The following OGDH variants were observed in gnomAD, a reference collection of about 807,000 sequenced individuals.
OGDH encodes oxoglutarate dehydrogenase.
In OGDH, 38 loss-of-function variants were observed where a neutral mutation model predicts 116.6. That is an observed-to-expected ratio of 0.33 (90% confidence interval 0.25 to 0.43). The LOEUF (loss-of-function observed/expected upper bound fraction) is 0.43. OGDH is among the 20% of genes least tolerant of loss of function. The pLI, the probability that OGDH is intolerant of heterozygous loss-of-function variation, is 1.00. For synonymous variants in OGDH, 488 were observed against 533.3 expected (o/e 0.92, Z 1.17); for missense variants, 825 against 1,357.2 (o/e 0.61, Z 6.16).
chr7:44,674,524 G>T lies in OGDH; in HGVS notation c.902G>T (p.Gly301Val). ...ATCATTGACAAGTCTAGTGAGAATG[G>T]CGTGGACTACGTGATCATGGGCATG... ...KTIIDKSSENGVDYVIMGMPH... is the reference protein window; with the variant it reads ...KTIIDKSSENVVDYVIMGMPH... The change falls in exon 7 of 23, where the codon GGC becomes GTC. Residue 301 changes from glycine (G) to valine (V), a missense_variant. Gly to Val is a moderately radical substitution (Grantham distance 109). Around this residue, in one of 7 missense-constraint regions of OGDH, gnomAD observed 171 missense variants for 276.8 expected, o/e 0.62. Coordinates refer to ENST00000222673, the MANE Select transcript of OGDH (RefSeq NM_002541.4). 1 of 1,614,146 alleles carries T rather than the reference G, an allele frequency of 6.2e-7. No homozygotes were observed. Among genetic ancestry groups the T allele is most frequent in the Non-Finnish European group, 8.5e-7 (1 of 1,180,018 alleles).
chr7:44,675,367 T>A, intron 8 of OGDH, 99 bp downstream of exon 8: 1 of 968,814 alleles, frequency 1.0e-6, no homozygotes, highest in South Asian at 1.4e-5. Flanking sequence ...GGGTTGGTTC[T>A]TCTGTACCAT....
intron 10 of OGDH, among the ~76,000 whole-genome samples, chr7:44,683,330 A>T (rs1347121866): frequency 6.6e-6 from 1 of 152,018 alleles, no homozygotes; most frequent in East Asian, 1.9e-4. Flanking sequence ...CATGGACTCA[A>T]GCATCTTCCT....
At position 44,708,091 on chromosome 7, in the gene OGDH, A is replaced by T. The variant is rs1029188817; in HGVS notation, c.*92A>T. ...AAAGAATAGTGCCTCAGCGCTGCCC[A>T]CACCACCGCCCTCCTCGCTGTGCCA... On this transcript the variant is annotated 3_prime_UTR_variant, in exon 23 of 23. Transcript: ENST00000222673. 2 of 1,497,098 alleles carry T rather than the reference A, an allele frequency of 1.3e-6. No homozygotes were observed. Among genetic ancestry groups the T allele is most frequent in the East Asian group, 4.6e-5 (2 of 43,934 alleles). 92.7% of individuals were successfully genotyped at this position (1,497,098 alleles called of 1,614,324 possible).
chr7:44,620,344 C>G (rs1030831996), intron 1 of OGDH, among the ~76,000 whole-genome samples: 1 of 152,162 alleles, frequency 6.6e-6, no homozygotes, highest in Admixed American at 6.5e-5. Context: ...TGATGAAATC[C>G]AATTTGTGGT....
chr7:44,696,382 G>A (rs1270235117), intron 13 of OGDH, 47 bp from the exon 14 acceptor site: 1 of 1,590,634 alleles, frequency 6.3e-7, no homozygotes, highest in Admixed American at 1.8e-5. Context: ...TGTGGTCCCT[G>A]GAAAAGTAGA....
At chr7:44,652,803 A>G (rs1014938790) in intron 4 of OGDH, among the ~76,000 whole-genome samples, 5 of 152,116 alleles carry the variant, frequency 3.3e-5, no homozygotes, top group African/African-American at 1.2e-4. Flanking sequence ...CTCATGTTAT[A>G]ATATCCCTGA....
At chr7:44,607,944 C>T (rs1184825461) in intron 1 of OGDH, among the ~76,000 whole-genome samples, 2 of 152,116 alleles carry the variant, frequency 1.3e-5, no homozygotes, top group African/African-American at 2.4e-5. Flanking sequence ...TCAGGTGATC[C>T]GCCCGCCTCG....
At chr7:44,702,140 T>G (rs562022876) in intron 20 of OGDH, among the ~76,000 whole-genome samples, 4 of 151,170 alleles carry the variant, frequency 2.6e-5, no homozygotes, top group African/African-American at 9.7e-5. Context: ...GTTGGTCAAA[T>G]GACATGTCTT....
chr7:44,671,937 CG>C (rs1297058190), intron 5 of OGDH, among the ~76,000 whole-genome samples: 1 of 151,694 alleles, frequency 6.6e-6, no homozygotes, highest in African/African-American at 2.4e-5. Flanking sequence ...GGTGTGGTGG[CG>C]GGCGCCTGTA....
intron 10 of OGDH, among the ~76,000 whole-genome samples, chr7:44,689,519 A>G (rs1239887190): frequency 2.0e-5 from 3 of 147,784 alleles, no homozygotes; most frequent in Admixed American, 6.9e-5. Context: ...GATTACACAC[A>G]TGAGCCACCG....
chr7:44,628,584 T>C (rs1035091951), intron 2 of OGDH, among the ~76,000 whole-genome samples: 2 of 151,652 alleles, frequency 1.3e-5, no homozygotes, highest in Non-Finnish European at 2.9e-5. Context: ...GCCTTGTCTC[T>C]ATTAAAAATA....
chr7:44,696,186 T>A, intron 13 of OGDH, 59 bp downstream of exon 13: 1 of 1,272,292 alleles, frequency 7.9e-7, no homozygotes, highest in Non-Finnish European at 1.1e-6. Flanking sequence ...TAACGAGGCA[T>A]CCTCTTCCCA....
chr7:44,619,745 T>G (rs1784937893), intron 1 of OGDH, among the ~76,000 whole-genome samples: 1 of 152,192 alleles, frequency 6.6e-6, no homozygotes. Context: ...GTTTTTTTTG[T>G]GGACATACAT....
chr7:44,658,850 T>C (rs190173957), intron 4 of OGDH, among the ~76,000 whole-genome samples: 1 of 152,110 alleles, frequency 6.6e-6, no homozygotes, highest in African/African-American at 2.4e-5. Flanking sequence ...TATTATTATT[T>C]TTTGAGACTG....
chr7:44,609,360 AT>A (rs1331231482), intron 1 of OGDH, among the ~76,000 whole-genome samples: 1 of 148,826 alleles, frequency 6.7e-6, no homozygotes, highest in Non-Finnish European at 1.5e-5. Context: ...AAAAAAAAAA[AT>A]TAGCCAGGCG....
chr7:44,687,190 G>A (rs1185918645), intron 10 of OGDH, among the ~76,000 whole-genome samples: 6 of 139,250 alleles, frequency 4.3e-5, no homozygotes, highest in African/African-American at 1.1e-4. Context: ...CTCCACCTCC[G>A]AGGTTCAAGC....
At chr7:44,692,254 A>C (rs1424316948) in intron 10 of OGDH, among the ~76,000 whole-genome samples, 1 of 152,214 alleles carries the variant, frequency 6.6e-6, no homozygotes, top group African/African-American at 2.4e-5. Flanking sequence ...GAAACAAAAG[A>C]AATGTCCACC....
In OGDH at chr7:44,645,812, G is replaced by A. The variant is rs959944431; in HGVS notation, c.414+294G>A. ...ATTTGTGGGCAGGGAAAACAAGTCAGTACCCGGGCATCAAGGAGAAGTGCT... is the reference window on the plus strand; with the variant it reads ...ATTTGTGGGCAGGGAAAACAAGTCAATACCCGGGCATCAAGGAGAAGTGCT... On this transcript the variant is annotated intron_variant, in intron 3 of 22. Coordinates refer to ENST00000222673, the MANE Select transcript of OGDH (RefSeq NM_002541.4). Among the ~76,000 whole-genome samples, 3 of 152,166 alleles carry A rather than the reference G, an allele frequency of 2.0e-5. 1 individual carries two copies. The highest frequency in any genetic ancestry group is 7.2e-5 in the African/African-American group (3 of 41,438).
chr7:44,657,518 T>C (rs1257514812), intron 4 of OGDH, among the ~76,000 whole-genome samples: 1 of 152,248 alleles, frequency 6.6e-6, no homozygotes, highest in Non-Finnish European at 1.5e-5. Flanking sequence ...GACCTCTTCA[T>C]TGGAATGGAT....
Sources: allele counts gnomAD v4.1 joint callset (sites outside exome capture counted in the v4.1 genomes callset), GRCh38; gene constraint gnomAD v4.1.1; regional missense constraint gnomAD v4.1.1; transcripts MANE v1.5; gene names NCBI Gene and HGNC (gene_info 2026-07-23, HGNC 2026-07-21).